SPMIP11: variants seen among roughly 807,000 people sequenced by gnomAD.
SPMIP11 encodes sperm microtubule inner protein 11.
At chr12:48,754,195 G>A in the SPMIP11 span, among the ~76,000 whole-genome samples, 1 of 152,168 alleles carries the variant, frequency 6.6e-6, no homozygotes, top group Middle Eastern at 3.4e-3. Flanking sequence ...GAGCCCAGGA[G>A]TTCTAGACTA....
chr12:48,730,117 C>A, the SPMIP11 span, among the ~76,000 whole-genome samples: 2 of 152,188 alleles, frequency 1.3e-5, no homozygotes, highest in South Asian at 2.1e-4. Context: ...TACAGCCGAC[C>A]AATTGTCCTA....
the SPMIP11 span, among the ~76,000 whole-genome samples, chr12:48,738,705 C>T: frequency 1.3e-5 from 2 of 151,966 alleles, no homozygotes; most frequent in Non-Finnish European, 2.9e-5. Context: ...TGGCACCTAA[C>T]TTTCTTCAGA....
At chr12:48,770,747 A>G in the SPMIP11 span, 5 of 1,609,678 alleles carry the variant, frequency 3.1e-6, no homozygotes, top group Admixed American at 5.0e-5. Flanking sequence ...AAACCCGCCA[A>G]GCAACAAAGC....
chr12:48,752,763 C>G, the SPMIP11 span, among the ~76,000 whole-genome samples: 8 of 151,614 alleles, frequency 5.3e-5, no homozygotes, highest in African/African-American at 1.9e-4. Context: ...CCTCCGCCTC[C>G]CGGGTTCAAG....
the SPMIP11 span, among the ~76,000 whole-genome samples, chr12:48,735,070 C>T: frequency 2.7e-5 from 4 of 149,594 alleles, no homozygotes; most frequent in African/African-American, 9.9e-5. Context: ...TCAAGGAATG[C>T]AAGCGGCCTT....
chr12:48,759,230 C>T, the SPMIP11 span: 1 of 702,876 alleles, frequency 1.4e-6, no homozygotes, highest in African/African-American at 1.7e-5. Context: ...CCAGAGCCTA[C>T]TAGGCTTCCC....
chr12:48,729,129 C>T, the SPMIP11 span, among the ~76,000 whole-genome samples: 1 of 152,188 alleles, frequency 6.6e-6, no homozygotes, highest in Non-Finnish European at 1.5e-5. Context: ...TTGCCGGGCA[C>T]TGCGGCTCAC....
the SPMIP11 span, among the ~76,000 whole-genome samples, chr12:48,741,912 T>C: frequency 6.6e-6 from 1 of 152,182 alleles, no homozygotes; most frequent in Admixed American, 6.6e-5. Flanking sequence ...GTAGTGGCAT[T>C]ACAGGCGTGA....
the SPMIP11 span, among the ~76,000 whole-genome samples, chr12:48,738,660 G>T: frequency 1.1e-4 from 16 of 151,190 alleles, no homozygotes; most frequent in African/African-American, 3.7e-4. Flanking sequence ...TCAGCCTCCC[G>T]AGTAGCTGGG....
chr12:48,734,052 G>A, the SPMIP11 span, among the ~76,000 whole-genome samples: 2 of 151,864 alleles, frequency 1.3e-5, no homozygotes, highest in African/African-American at 4.8e-5. Context: ...GATTACAGAC[G>A]TGAGCCATCC....
chr12:48,742,281 T>TC, the SPMIP11 span, among the ~76,000 whole-genome samples: 918 of 133,884 alleles, frequency 6.9e-3, 23 homozygotes, highest in African/African-American at 0.023. Context: ...TCTTTTCCTT[T>TC]TTTTTTTTTT....
the SPMIP11 span, among the ~76,000 whole-genome samples, chr12:48,757,904 G>C: frequency 6.6e-6 from 1 of 151,724 alleles, no homozygotes; most frequent in Non-Finnish European, 1.5e-5. Flanking sequence ...TGATGCAGGA[G>C]AATCGCTTGA....
the SPMIP11 span, chr12:48,768,836 G>A: frequency 2.6e-6 from 4 of 1,550,454 alleles, no homozygotes; most frequent in Non-Finnish European, 3.5e-6. Context: ...ACCATACACA[G>A]AACACTAGCC....
chr12:48,760,994 C>A, the SPMIP11 span, among the ~76,000 whole-genome samples: 1 of 152,316 alleles, frequency 6.6e-6, no homozygotes, highest in South Asian at 2.1e-4. Flanking sequence ...TGGGTTTAAA[C>A]TGCAAACGAA....
At chr12:48,733,072 CTTTT>C in the SPMIP11 span, among the ~76,000 whole-genome samples, 3 of 110,856 alleles carry the variant, frequency 2.7e-5, no homozygotes, top group Admixed American at 1.1e-4. Flanking sequence ...ACAAGTTAAT[CTTTT>C]TTTTTTTTTT....
At chr12:48,734,960 C>T in the SPMIP11 span, among the ~76,000 whole-genome samples, 1 of 145,240 alleles carries the variant, frequency 6.9e-6, no homozygotes, top group African/African-American at 2.6e-5. Flanking sequence ...AGCCGAGTAG[C>T]GCCACTGCAC....
chr12:48,745,514 G>A, the SPMIP11 span, among the ~76,000 whole-genome samples: 3 of 152,246 alleles, frequency 2.0e-5, no homozygotes, highest in South Asian at 6.2e-4. Context: ...GCTGAGGCCG[G>A]AGAATCACTT....
At chr12:48,733,764 C>CTTTTT in the SPMIP11 span, among the ~76,000 whole-genome samples, 38 of 82,890 alleles carry the variant, frequency 4.6e-4, no homozygotes, top group Non-Finnish European at 5.1e-4. Flanking sequence ...AATGCAGATT[C>CTTTTT]TTTTTTTTTT....
the SPMIP11 span, among the ~76,000 whole-genome samples, chr12:48,734,783 C>T: frequency 6.6e-6 from 1 of 151,962 alleles, no homozygotes; most frequent in Admixed American, 6.6e-5. Flanking sequence ...GGGCAGATCA[C>T]TTGAGGTCAG....
Sources: gnomAD v4.1 joint callset for allele counts (sites outside exome capture counted in the v4.1 genomes callset) on GRCh38, gnomAD v4.1.1 for gene constraint, MANE v1.5 for transcripts, NCBI Gene and HGNC (gene_info 2026-07-23, HGNC 2026-07-21) for gene names.